NAA16: variants seen among roughly 807,000 people sequenced by gnomAD.
NAA16 encodes the protein NARG1-like protein.
Under a neutral mutation model 110.3 loss-of-function variants are expected in NAA16, and 97 were observed. That is an observed-to-expected ratio of 0.88 (90% CI 0.75 to 1.04). NAA16 has a LOEUF of 1.04. NAA16 is among the 50% of genes least tolerant of loss of function. NAA16 has a pLI of 0.00. For synonymous variants in NAA16, 372 were observed against 330.6 expected (o/e 1.13, Z -1.36); for missense variants, 1,017 against 1,005.1 (o/e 1.01, Z -0.16).
rs79570794 is a variant in NAA16 at position 41,345,920 on chromosome 13, A to G, written c.1014+9164A>G. ...TAGATACAAGTCTCTCATCAGATAC[A>G]TTATGTGAAAATATTTTCTGTTCTG... On this transcript the variant is annotated intron_variant, in intron 9 of 19. Coordinates refer to ENST00000379406, the MANE Select transcript of NAA16 (RefSeq NM_024561.5). Among the ~76,000 whole-genome samples, 482 of 152,338 alleles carry G rather than the reference A, an allele frequency of 3.2e-3. 4 individuals are homozygous for G. Among genetic ancestry groups the G allele is most frequent in the East Asian group, 0.026 (136 of 5,188 alleles).
intron 9 of NAA16, among the ~76,000 whole-genome samples, chr13:41,354,356 G>A (rs1027410460): frequency 2.0e-5 from 3 of 152,176 alleles, no homozygotes; most frequent in South Asian, 2.1e-4. Context: ...AATGGTATGC[G>A]TGAAGAGGTT....
chr13:41,336,183 T>A (rs1015726492), intron 8 of NAA16, among the ~76,000 whole-genome samples: 20 of 152,040 alleles, frequency 1.3e-4, no homozygotes, highest in African/African-American at 3.4e-4. Context: ...TTTTTTTTTT[T>A]AAATTTTAAT....
chr13:41,365,575 A>G (rs945862525), intron 13 of NAA16, among the ~76,000 whole-genome samples: 1 of 152,204 alleles, frequency 6.6e-6, no homozygotes, highest in African/African-American at 2.4e-5. Context: ...TAATTTAGCC[A>G]TATTCTGTCT....
chr13:41,343,592 A>T (rs1487991989), intron 9 of NAA16, among the ~76,000 whole-genome samples: 3 of 152,004 alleles, frequency 2.0e-5, no homozygotes, highest in Non-Finnish European at 4.4e-5. Flanking sequence ...GTGCAGTGGC[A>T]CCATCTCGGC....
At position 41,356,156 on chromosome 13, in the gene NAA16, C is replaced by CGT. The variant is rs138992483; in HGVS notation, c.1087+954_1087+955dup. 4.0e-3 allele frequency among the ~76,000 whole-genome samples: 609 copies of CGT among 151,604 alleles called. 5 individuals are homozygous for CGT. Among genetic ancestry groups the CGT allele is most frequent in the African/African-American group, 0.013 (554 of 41,364 alleles). Reference sequence around the variant, plus strand: ...CACCATGCCTAGCTGATTTTGTGTGCGTGTGTGTGTGTGTGCATACGCGCG... The same window carrying CGT: ...CACCATGCCTAGCTGATTTTGTGTGCGTGTGTGTGTGTGTGTGCATACGCGCG... On this transcript the variant is annotated intron_variant, in intron 10 of 19. Coordinates refer to ENST00000379406, the MANE Select transcript of NAA16 (RefSeq NM_024561.5).
chr13:41,326,748 G>C (rs1340412296), intron 6 of NAA16, among the ~76,000 whole-genome samples: 1 of 152,028 alleles, frequency 6.6e-6, no homozygotes, highest in Non-Finnish European at 1.5e-5. Flanking sequence ...GACAGTTTTA[G>C]GTTCACAGTA....
intron 2 of NAA16, among the ~76,000 whole-genome samples, chr13:41,317,663 A>G (rs1450341609): frequency 4.6e-5 from 7 of 152,208 alleles, no homozygotes; most frequent in Non-Finnish European, 8.8e-5. Flanking sequence ...AGAAATCTTC[A>G]TTTCATAGAA....
At chr13:41,362,548 T>G (rs2043134600) in intron 13 of NAA16, 1 of 445,888 alleles carries the variant, frequency 2.2e-6, no homozygotes, top group Non-Finnish European at 3.9e-6. Context: ...TCAGCCTCTC[T>G]CCAGTTTGTC....
intron 18 of NAA16, 150 bp downstream of exon 18, chr13:41,373,930 AG>A (rs1376854640): frequency 8.1e-7 from 1 of 1,236,934 alleles, no homozygotes; most frequent in African/African-American, 1.6e-5. Context: ...GTTCAATAAT[AG>A]GGGAAACAGG....
At chr13:41,364,966 G>C (rs1427905378) in intron 13 of NAA16, among the ~76,000 whole-genome samples, 1 of 152,098 alleles carries the variant, frequency 6.6e-6, no homozygotes, top group African/African-American at 2.4e-5. Context: ...GCCTAATAAG[G>C]AGTTCCTTAA....
intron 1 of NAA16, among the ~76,000 whole-genome samples, chr13:41,316,305 ATT>A (rs993030515): frequency 3.0e-4 from 31 of 103,820 alleles, no homozygotes; most frequent in Admixed American, 2.8e-4. Flanking sequence ...AATTTTTGTA[ATT>A]TTTTTTTTTT....
rs185848498 is a variant in NAA16 at position 41,370,545 on chromosome 13, C to T, written c.1947+1262C>T. 3.3e-3 allele frequency among the ~76,000 whole-genome samples: 507 copies of T among 152,264 alleles called. 6 individuals are homozygous for T. The highest frequency in any genetic ancestry group is 2.7e-3 in the Non-Finnish European group (183 of 68,024). On this transcript the variant is annotated intron_variant, in intron 15 of 19. Transcript: ENST00000379406. ...CCTTGAAGGGAAAAAATAACAGCTGCCAGTCTTTCGGTTTTACAACAAGAA... is the reference window on the plus strand; with the variant it reads ...CCTTGAAGGGAAAAAATAACAGCTGTCAGTCTTTCGGTTTTACAACAAGAA...
chr13:41,333,842 GT>G (rs1282738678), intron 8 of NAA16, among the ~76,000 whole-genome samples: 50 of 145,256 alleles, frequency 3.4e-4, no homozygotes, highest in East Asian at 4.0e-4. Flanking sequence ...AGAGCTTAGA[GT>G]TTTTTTTTTT....
intron 1 of NAA16, among the ~76,000 whole-genome samples, chr13:41,312,633 C>T (rs2041659246): frequency 6.6e-6 from 1 of 152,108 alleles, no homozygotes; most frequent in South Asian, 2.1e-4. Context: ...GGCTATATGG[C>T]TGTTAGTTGT....
intron 10 of NAA16, among the ~76,000 whole-genome samples, chr13:41,357,371 T>A (rs4942041): frequency 0.95 from 144,278 of 152,312 alleles, 68,406 homozygotes; most frequent in South Asian, 0.99. Context: ...CCTTGTTGAT[T>A]CTAATAATTT....
Position 41,333,259 on chromosome 13 carries a change from T to A in NAA16, c.907+1890T>A, listed in dbSNP as rs551353919. ...TCCTTCTCCTCTTTGTTTTAAAAAATAATAGCTTTTTGAAATATAATCCAT... is the reference window on the plus strand; with the variant it reads ...TCCTTCTCCTCTTTGTTTTAAAAAAAAATAGCTTTTTGAAATATAATCCAT... On this transcript the variant is annotated intron_variant, in intron 8 of 19. Transcript: ENST00000379406. 7.5e-4 allele frequency among the ~76,000 whole-genome samples: 114 copies of A among 152,126 alleles called. 1 individual carries two copies. Among genetic ancestry groups the A allele is most frequent in the Non-Finnish European group, 1.4e-3 (97 of 67,982 alleles).
chr13:41,324,841 T>TG (rs1213053511), intron 5 of NAA16, among the ~76,000 whole-genome samples: 1 of 151,522 alleles, frequency 6.6e-6, no homozygotes, highest in Non-Finnish European at 1.5e-5. Context: ...GGAGGCTAGC[T>TG]GGGACTACAG....
chr13:41,369,078 G>C lies in NAA16; in HGVS notation c.1754-12G>C, dbSNP rs368010875. 3.7e-5 allele frequency: 58 copies of C among 1,552,482 alleles called. No individual in the cohort carries two copies. The highest frequency in any genetic ancestry group is 4.8e-5 in the Non-Finnish European group (56 of 1,158,736). ...CATTGGCTCAGAATTTTGTTCATTT[G>C]GATATTTATAGAAAACTTGTCAGCC... On this transcript the variant is annotated splice_polypyrimidine_tract_variant and intron_variant, in intron 14 of 19. Transcript: ENST00000379406.
chr13:41,326,238 A>T (rs1252906891), intron 6 of NAA16, among the ~76,000 whole-genome samples: 1 of 152,210 alleles, frequency 6.6e-6, no homozygotes, highest in Non-Finnish European at 1.5e-5. Context: ...ATCATCATGA[A>T]CACAAAGGTC....
Sources: allele counts gnomAD v4.1 joint callset (sites outside exome capture counted in the v4.1 genomes callset), GRCh38; gene constraint gnomAD v4.1.1; transcripts MANE v1.5; gene names NCBI Gene and HGNC (gene_info 2026-07-23, HGNC 2026-07-21).